The following NLGN1 variants were observed in gnomAD, a reference collection of about 807,000 sequenced individuals.
NLGN1 encodes neuroligin 1, also known as neuroligin-1.
Under a neutral mutation model 65.5 loss-of-function variants are expected in NLGN1, and 12 were observed. The ratio of observed to expected loss-of-function variants is 0.18; its 90% confidence interval spans 0.12 to 0.30. NLGN1 has a LOEUF of 0.30. NLGN1 is among the 10% of genes least tolerant of loss of function. The pLI is 1.00. For synonymous variants in NLGN1, 350 were observed against 359.5 expected, an observed-to-expected ratio of 0.97 and a Z score of 0.30; for missense variants, 750 against 1,007.1, an observed-to-expected ratio of 0.74 and a Z score of 3.46.
At chr3:174,043,374 C>T (rs1012591970) in intron 4 of NLGN1, among the ~76,000 whole-genome samples, 1 of 152,178 alleles carries the variant, frequency 6.6e-6, no homozygotes, top group African/African-American at 2.4e-5. Flanking sequence ...TCCGAAGTCT[C>T]ATCTGAGACA....
intron 4 of NLGN1, among the ~76,000 whole-genome samples, chr3:174,120,033 G>C (rs966957473): frequency 6.6e-6 from 1 of 152,082 alleles, no homozygotes; most frequent in Non-Finnish European, 1.5e-5. Flanking sequence ...CTCACAAAAT[G>C]TCCATTGACA....
chr3:173,851,117 G>A (rs777803403), intron 4 of NLGN1, among the ~76,000 whole-genome samples: 3 of 151,930 alleles, frequency 2.0e-5, no homozygotes, highest in Non-Finnish European at 4.4e-5. Flanking sequence ...TTTTATATCC[G>A]ATTGATCAAG....
At chr3:174,035,964 T>C (rs1262843121) in intron 4 of NLGN1, among the ~76,000 whole-genome samples, 2 of 152,128 alleles carry the variant, frequency 1.3e-5, no homozygotes, top group South Asian at 2.1e-4. Flanking sequence ...ATTTACAAAA[T>C]AGACAATATA....
chr3:174,162,220 A>C (rs1473096785), intron 4 of NLGN1, among the ~76,000 whole-genome samples: 2 of 152,068 alleles, frequency 1.3e-5, no homozygotes, highest in East Asian at 3.9e-4. Context: ...AATAGAATTA[A>C]AAACTCTCAT....
intron 4 of NLGN1, among the ~76,000 whole-genome samples, chr3:174,027,118 TCCATCTTCACCAAG>T (rs1441188125): frequency 6.7e-6 from 1 of 149,932 alleles, no homozygotes; most frequent in Admixed American, 6.7e-5. Context: ...AAAATAGAAA[TCCATCTTCACCAAG>T]CCTTTAAAGC....
chr3:174,101,869 A>G (rs1712583606), intron 4 of NLGN1, among the ~76,000 whole-genome samples: 1 of 152,164 alleles, frequency 6.6e-6, no homozygotes, highest in Non-Finnish European at 1.5e-5. Flanking sequence ...AGTGCTCCCC[A>G]AAAGGACAAA....
chr3:174,229,964 T>A (rs1740398212), intron 4 of NLGN1, among the ~76,000 whole-genome samples: 1 of 152,210 alleles, frequency 6.6e-6, no homozygotes, highest in South Asian at 2.1e-4. Context: ...AATGATTAAT[T>A]AAACATCTAG....
At chr3:174,021,212 A>T (rs1453078778) in intron 4 of NLGN1, among the ~76,000 whole-genome samples, 1 of 152,058 alleles carries the variant, frequency 6.6e-6, no homozygotes, top group Non-Finnish European at 1.5e-5. Flanking sequence ...CCAGCTAAAT[A>T]TATTAGCTGG....
At chr3:173,769,592 A>G (rs1386116371) in intron 3 of NLGN1, among the ~76,000 whole-genome samples, 1 of 152,178 alleles carries the variant, frequency 6.6e-6, no homozygotes, top group African/African-American at 2.4e-5. Context: ...TCTCTTTGAA[A>G]GGTGTGTCTA....
intron 2 of NLGN1, among the ~76,000 whole-genome samples, chr3:173,479,542 G>A (rs1038206977): frequency 3.1e-4 from 47 of 152,060 alleles, no homozygotes; most frequent in African/African-American, 1.2e-4. Flanking sequence ...TGTGATGTCC[G>A]GATTCTACTT....
chr3:174,074,293 A>G (rs545696257), intron 4 of NLGN1, among the ~76,000 whole-genome samples: 2 of 152,318 alleles, frequency 1.3e-5, no homozygotes, highest in African/African-American at 4.8e-5. Context: ...CCCATTTCCT[A>G]TTGGCAAAGA....
intron 2 of NLGN1, among the ~76,000 whole-genome samples, chr3:173,593,081 A>T (rs978057584): frequency 1.3e-5 from 2 of 152,172 alleles, no homozygotes; most frequent in South Asian, 4.1e-4. Context: ...CTTCAGGAAG[A>T]TCATCATTCC....
chr3:174,277,872 T>C (rs1011922667), intron 5 of NLGN1, among the ~76,000 whole-genome samples: 5 of 151,650 alleles, frequency 3.3e-5, no homozygotes, highest in Non-Finnish European at 4.4e-5. Context: ...TGTTTTTAAA[T>C]AACTGAAGCA....
At chr3:173,486,853 ATAT>A (rs1728252494) in intron 2 of NLGN1, among the ~76,000 whole-genome samples, 1 of 150,438 alleles carries the variant, frequency 6.6e-6, no homozygotes, top group South Asian at 2.1e-4. Context: ...TAATAAATTA[ATAT>A]TATATTTAAA....
intron 2 of NLGN1, among the ~76,000 whole-genome samples, chr3:173,451,829 A>G (rs1721596439): frequency 6.6e-6 from 1 of 152,176 alleles, no homozygotes; most frequent in Non-Finnish European, 1.5e-5. Context: ...AGCATGAGCA[A>G]GGCTCCGTGG....
chr3:174,030,052 A>G (rs1240178950), intron 4 of NLGN1, among the ~76,000 whole-genome samples: 1 of 152,090 alleles, frequency 6.6e-6, no homozygotes, highest in Non-Finnish European at 1.5e-5. Context: ...ATCATTATCA[A>G]TACAATTTTA....
intron 4 of NLGN1, among the ~76,000 whole-genome samples, chr3:174,161,813 A>G (rs890960447): frequency 4.0e-5 from 6 of 151,862 alleles, no homozygotes; most frequent in African/African-American, 1.5e-4. Context: ...AACTGATAGA[A>G]GACAAATGTA....
At chr3:173,477,541 C>G (rs1042661618) in intron 2 of NLGN1, among the ~76,000 whole-genome samples, 1 of 151,630 alleles carries the variant, frequency 6.6e-6, no homozygotes, top group African/African-American at 2.4e-5. Context: ...AAGAGCCTGT[C>G]TCAAAAAAAG....
At chr3:173,652,648 T>A (rs1306920160) in intron 3 of NLGN1, among the ~76,000 whole-genome samples, 1 of 152,174 alleles carries the variant, frequency 6.6e-6, no homozygotes, top group Non-Finnish European at 1.5e-5. Context: ...GTTACTATAG[T>A]CTTGTAGTAC....
Sources: allele counts gnomAD v4.1 joint callset (sites outside exome capture counted in the v4.1 genomes callset), GRCh38; gene constraint gnomAD v4.1.1; transcripts MANE v1.5; gene names NCBI Gene and HGNC (gene_info 2026-07-23, HGNC 2026-07-21).